Variants in TMEM232 observed in about 807,000 individuals in gnomAD.
TMEM232 encodes transmembrane protein 232.
In TMEM232, 80 loss-of-function variants were observed where a neutral mutation model predicts 78.8. The ratio of observed to expected loss-of-function variants is 1.01; its 90% CI spans 0.85 to 1.22. The LOEUF is 1.22. Among genes scored for constraint, TMEM232 ranks in the 50% most tolerant of loss-of-function variants. TMEM232 has a pLI of 0.00. For missense variants in TMEM232, 881 were observed against 742.2 expected (o/e 1.19, Z -2.17); for synonymous variants, 297 against 254.3 (o/e 1.17, Z -1.60).
chr5:110,625,874 A>G (rs1784361282), intron 6 of TMEM232, among the ~76,000 whole-genome samples: 1 of 151,904 alleles, frequency 6.6e-6, no homozygotes, highest in African/African-American at 2.4e-5. Flanking sequence ...ATATGTTGTA[A>G]ATAATAAAAA....
chr5:110,649,000 T>C (rs1787914842), intron 2 of TMEM232, among the ~76,000 whole-genome samples: 1 of 152,122 alleles, frequency 6.6e-6, no homozygotes, highest in Admixed American at 6.6e-5. Flanking sequence ...CCCTGTGCTG[T>C]ATCCTGCTAA....
Position 110,640,930 on chromosome 5 carries a change from C to T in TMEM232, c.304G>A (p.Val102Ile), listed in dbSNP as rs898837127. 3.2e-6 allele frequency: 5 copies of T among 1,541,820 alleles called. No individual in the cohort carries two copies. Among genetic ancestry groups the T allele is most frequent in the African/African-American group, 2.7e-5 (2 of 72,784 alleles). ...CCTTTGCATTGAGCCAGATATATTA[C>T]TTCAGTCCATGCAGCAGGAAGATGC... ...HVHLPAAWTE[V>I]IYLAQCKGEI... Residue 102 changes from valine (V) to isoleucine (I), a missense_variant, in exon 4 of 14, where the codon GTA becomes ATA. Val to Ile is a conservative substitution (Grantham distance 29, BLOSUM62 3). Transcript: ENST00000455884.
chr5:110,697,488 A>C (rs1794933692), intron 1 of TMEM232, among the ~76,000 whole-genome samples: 1 of 152,226 alleles, frequency 6.6e-6, no homozygotes, highest in African/African-American at 2.4e-5. Flanking sequence ...CAGCAGAAGA[A>C]ACTACCATCA....
rs371202706 is a variant in TMEM232, at chr5:110,644,922, G to A, written c.126-2551C>T. On this transcript the variant is annotated intron_variant, in intron 2 of 13. Transcript: ENST00000455884. ...TGAAAGTGAAAACATTATAACAGATGCCTCAGAAACATAAGAAACTATTAT... is the reference window on the plus strand; with the variant it reads ...TGAAAGTGAAAACATTATAACAGATACCTCAGAAACATAAGAAACTATTAT... 1.1e-4 allele frequency among the ~76,000 whole-genome samples: 17 copies of A among 151,342 alleles called. No homozygotes were observed. The South Asian group carries it at 3.5e-3, about 31-fold the overall frequency.
At chr5:110,444,846 C>T (rs1014255736) in intron 12 of TMEM232, among the ~76,000 whole-genome samples, 6 of 152,044 alleles carry the variant, frequency 3.9e-5, no homozygotes, top group Non-Finnish European at 5.9e-5. Context: ...TTCTGAAATT[C>T]CCTTAATTCT....
At chr5:110,566,862 T>C (rs1235710944) in intron 11 of TMEM232, among the ~76,000 whole-genome samples, 2 of 151,832 alleles carry the variant, frequency 1.3e-5, no homozygotes, top group African/African-American at 2.4e-5. Flanking sequence ...TTCGTATTGC[T>C]ACAAAGAAAT....
chr5:110,497,970 A>G (rs900268198), intron 12 of TMEM232, among the ~76,000 whole-genome samples: 4 of 152,180 alleles, frequency 2.6e-5, no homozygotes, highest in Non-Finnish European at 1.5e-5. Flanking sequence ...TATGGGTCGT[A>G]CAAGACAAAG....
At chr5:110,667,909 T>C (rs976105135) in intron 1 of TMEM232, among the ~76,000 whole-genome samples, 2 of 152,100 alleles carry the variant, frequency 1.3e-5, no homozygotes, top group African/African-American at 2.4e-5. Flanking sequence ...TGCTTGTTTT[T>C]ACGCCCAGAA....
chr5:110,533,225 A>T (rs577752109), intron 11 of TMEM232, among the ~76,000 whole-genome samples: 34 of 152,244 alleles, frequency 2.2e-4, no homozygotes, highest in African/African-American at 7.5e-4. Flanking sequence ...GACAGCCCCC[A>T]TTACTTCAGT....
intron 10 of TMEM232, among the ~76,000 whole-genome samples, chr5:110,589,174 G>A (rs1779200540): frequency 6.6e-6 from 1 of 152,112 alleles, no homozygotes; most frequent in Non-Finnish European, 1.5e-5. Flanking sequence ...ATACGGGTCT[G>A]TAACAGGAAT....
At chr5:110,595,093 G>A (rs1779992447) in intron 10 of TMEM232, among the ~76,000 whole-genome samples, 1 of 152,180 alleles carries the variant, frequency 6.6e-6, no homozygotes. Flanking sequence ...AGCAATCTTT[G>A]CCATACTGCA....
chr5:110,403,515 A>T (rs947561512), intron 2 of TMEM232, among the ~76,000 whole-genome samples: 1 of 152,168 alleles, frequency 6.6e-6, no homozygotes, highest in South Asian at 2.1e-4. Context: ...GTTGCCAGGG[A>T]CCATTCATAG....
At chr5:110,577,559 G>A (rs148200794) in intron 10 of TMEM232, among the ~76,000 whole-genome samples, 1 of 151,990 alleles carries the variant, frequency 6.6e-6, no homozygotes, top group Non-Finnish European at 1.5e-5. Context: ...TTATTATGAA[G>A]ACACATGCAT....
intron 1 of TMEM232, among the ~76,000 whole-genome samples, chr5:110,669,885 T>A (rs975442170): frequency 6.6e-6 from 1 of 152,156 alleles, no homozygotes; most frequent in Non-Finnish European, 1.5e-5. Flanking sequence ...AAAAACCACA[T>A]GATTATCTCA....
intron 2 of TMEM232, among the ~76,000 whole-genome samples, chr5:110,647,634 A>T (rs1787682507): frequency 6.6e-6 from 1 of 151,958 alleles, no homozygotes; most frequent in Non-Finnish European, 1.5e-5. Flanking sequence ...TGGGATTTTC[A>T]TCCTTCCAGA....
At chr5:110,429,726 C>T (rs1019840209) in intron 12 of TMEM232, among the ~76,000 whole-genome samples, 3 of 151,774 alleles carry the variant, frequency 2.0e-5, no homozygotes, top group Non-Finnish European at 4.4e-5. Flanking sequence ...CCCCCCTTAT[C>T]CCACTTTTTG....
At chr5:110,574,642 C>T (rs192868406) in intron 10 of TMEM232, among the ~76,000 whole-genome samples, 1 of 152,082 alleles carries the variant, frequency 6.6e-6, no homozygotes, top group East Asian at 1.9e-4. Flanking sequence ...CAAGCCCCCC[C>T]AAAAATTGTA....
intron 1 of TMEM232, among the ~76,000 whole-genome samples, chr5:110,722,725 C>T (rs1225326327): frequency 6.6e-6 from 1 of 152,140 alleles, no homozygotes; most frequent in Non-Finnish European, 1.5e-5. Flanking sequence ...GTAGGAGCTA[C>T]AAAAGGGTGT....
At chr5:110,539,540 C>A (rs1486401451) in intron 11 of TMEM232, among the ~76,000 whole-genome samples, 3 of 152,134 alleles carry the variant, frequency 2.0e-5, no homozygotes, top group African/African-American at 7.2e-5. Flanking sequence ...GTCCTAATAC[C>A]TTTTCACCTT....
Sources: allele counts gnomAD v4.1 joint callset (sites outside exome capture counted in the v4.1 genomes callset), GRCh38; gene constraint gnomAD v4.1.1; transcripts MANE v1.5; gene names NCBI Gene and HGNC (gene_info 2026-07-23, HGNC 2026-07-21).